The following DPF3 variants were observed in gnomAD, a reference collection of about 807,000 sequenced individuals.
DPF3 encodes the protein zinc finger protein DPF3.
Under a neutral mutation model 56.8 loss-of-function variants are expected in DPF3, and 18 were observed. The ratio of observed to expected loss-of-function variants is 0.32; its 90% CI spans 0.22 to 0.47. The LOEUF is 0.47. Ranked by LOEUF, DPF3 falls within the 20% of genes least tolerant of loss-of-function variation. The probability of loss-of-function intolerance (pLI) is 1.00; values close to 1 mark genes in which losing one functional copy is unlikely to be tolerated. For missense variants in DPF3, 403 were observed against 488.8 expected (o/e 0.82, Z 1.65); for synonymous variants, 188 against 180.2 (o/e 1.04, Z -0.35).
intron 7 of DPF3, among the ~76,000 whole-genome samples, chr14:72,692,582 T>C (rs1457857185): frequency 6.6e-6 from 1 of 152,222 alleles, no homozygotes; most frequent in East Asian, 1.9e-4. Context: ...GCAGCATTTC[T>C]AAGGCAGGAG....
chr14:72,624,333 C>CTTTTTTTT (rs55820708), intron 9 of DPF3, among the ~76,000 whole-genome samples: 23 of 97,804 alleles, frequency 2.4e-4, no homozygotes, highest in Admixed American at 6.4e-4. Context: ...ACCTATGTCT[C>CTTTTTTTT]TTTTTTTTTT....
chr14:72,869,136 C>T (rs1282460820), intron 1 of DPF3, among the ~76,000 whole-genome samples: 2 of 152,198 alleles, frequency 1.3e-5, no homozygotes, highest in African/African-American at 4.8e-5. Context: ...ACATGCTATT[C>T]CCTCTGCTGG....
chr14:72,773,140 T>G (rs1288064678), intron 1 of DPF3, among the ~76,000 whole-genome samples: 2 of 150,642 alleles, frequency 1.3e-5, no homozygotes, highest in African/African-American at 2.4e-5. Flanking sequence ...TGGGTTTTTT[T>G]TTTTTTTTTT....
intron 7 of DPF3, among the ~76,000 whole-genome samples, chr14:72,692,006 G>A (rs1344246153): frequency 6.6e-6 from 1 of 152,174 alleles, no homozygotes; most frequent in Admixed American, 6.5e-5. Context: ...GTGGGGTGGA[G>A]GTTAAGGGAG....
intron 3 of DPF3, among the ~76,000 whole-genome samples, chr14:72,743,478 G>A (rs150631364): frequency 5.3e-5 from 8 of 152,078 alleles, no homozygotes; most frequent in African/African-American, 1.9e-4. Context: ...ATCTGTCCTA[G>A]ACCATGGGGA....
chr14:72,639,907 A>G (rs1281417358), intron 8 of DPF3, among the ~76,000 whole-genome samples: 1 of 152,028 alleles, frequency 6.6e-6, no homozygotes, highest in Non-Finnish European at 1.5e-5. Flanking sequence ...ATACAATGTG[A>G]TAAGTGCCAT....
intron 1 of DPF3, among the ~76,000 whole-genome samples, chr14:72,781,290 G>C (rs1222314865): frequency 2.0e-5 from 3 of 152,208 alleles, no homozygotes. Context: ...AAAAGCCCTG[G>C]TCAAGGCAAA....
intron 7 of DPF3, 30 bp from the exon 8 acceptor site, chr14:72,674,398 C>T (rs77339551): frequency 1.9e-6 from 3 of 1,605,254 alleles, no homozygotes; most frequent in East Asian, 4.5e-5. Flanking sequence ...ATTCCAATTT[C>T]AGGCTTACAT....
chr14:72,723,858 G>A, intron 4 of DPF3, 130 bp from the exon 5 acceptor site: 1 of 863,222 alleles, frequency 1.2e-6, no homozygotes, highest in Non-Finnish European at 1.8e-6. Flanking sequence ...CCTTTGCTTG[G>A]GCAGTTGGGC....
At chr14:72,737,467 C>A (rs1889939575) in intron 3 of DPF3, among the ~76,000 whole-genome samples, 1 of 152,114 alleles carries the variant, frequency 6.6e-6, no homozygotes, top group Non-Finnish European at 1.5e-5. Context: ...TAATTAAATC[C>A]CAGGTCATTT....
At chr14:72,760,835 AACT>A (rs1891040374) in intron 2 of DPF3, among the ~76,000 whole-genome samples, 1 of 152,150 alleles carries the variant, frequency 6.6e-6, no homozygotes, top group African/African-American at 2.4e-5. Context: ...CCTATTAAAA[AACT>A]ACTTTTAATA....
rs1884193500 is a variant in DPF3, at chr14:72,617,992, C to T, written c.*1305G>A. Among the ~76,000 whole-genome samples, 1 of 152,146 alleles carries T rather than the reference C, an allele frequency of 6.6e-6. No individual in the cohort carries two copies. The stretch of plus-strand genomic sequence containing the variant: ...AGTCAGCCCAATCCGCTCCAGCCCT[C>T]GGGGCTATCTTCCAACACACAGAGT... On this transcript the variant is annotated 3_prime_UTR_variant, in exon 11 of 11. Coordinates refer to ENST00000556509, the MANE Select transcript of DPF3 (RefSeq NM_001280542.3).
intron 1 of DPF3, among the ~76,000 whole-genome samples, chr14:72,857,772 A>G (rs1885225046): frequency 6.6e-6 from 1 of 152,028 alleles, no homozygotes; most frequent in Non-Finnish European, 1.5e-5. Flanking sequence ...TATTTTTAGT[A>G]GAGACGGCGT....
chr14:72,660,818 G>A (rs554737804), intron 8 of DPF3, among the ~76,000 whole-genome samples: 43 of 152,290 alleles, frequency 2.8e-4, no homozygotes, highest in African/African-American at 9.6e-4. Context: ...GAGAATGAAC[G>A]CTGGCACCAA....
intron 7 of DPF3, among the ~76,000 whole-genome samples, chr14:72,689,694 G>A (rs1887590728): frequency 6.6e-6 from 1 of 152,242 alleles, no homozygotes; most frequent in South Asian, 2.1e-4. Context: ...GCTCACCAGG[G>A]GAATGTGGGA....
At chr14:72,778,771 G>C (rs1891852302) in intron 1 of DPF3, among the ~76,000 whole-genome samples, 1 of 152,180 alleles carries the variant, frequency 6.6e-6, no homozygotes, top group South Asian at 2.1e-4. Flanking sequence ...AAGGAGGACA[G>C]GTGAGAGAGA....
intron 5 of DPF3, among the ~76,000 whole-genome samples, chr14:72,715,389 C>T (rs747144109): frequency 6.6e-6 from 1 of 152,160 alleles, no homozygotes; most frequent in East Asian, 1.9e-4. Flanking sequence ...ACACTGGTCA[C>T]GTGTATAGCA....
intron 1 of DPF3, among the ~76,000 whole-genome samples, chr14:72,791,949 G>A (rs1045966091): frequency 2.0e-5 from 3 of 152,196 alleles, no homozygotes; most frequent in Admixed American, 1.3e-4. Context: ...TGGCTGGGAG[G>A]AGATCAGGTG....
At chr14:72,662,129 C>G (rs1386412586) in intron 8 of DPF3, 1 of 985,154 alleles carries the variant, frequency 1.0e-6, no homozygotes, top group South Asian at 4.7e-5. Context: ...ATCACCAACA[C>G]TTTCAATAGA....
Sources: gnomAD v4.1 joint callset for allele counts (sites outside exome capture counted in the v4.1 genomes callset) on GRCh38, gnomAD v4.1.1 for gene constraint, MANE v1.5 for transcripts, NCBI Gene and HGNC (gene_info 2026-07-23, HGNC 2026-07-21) for gene names.